Variants in EVI5 observed in about 807,000 individuals in gnomAD.
EVI5 encodes ecotropic viral integration site 5.
A neutral mutation model predicts 112.0 loss-of-function variants in EVI5; 73 were observed. The observed-to-expected ratio is 0.65, with a 90% CI of 0.54 to 0.79. The LOEUF (loss-of-function observed/expected upper bound fraction) is 0.79, where lower values mean the gene tolerates loss of function less well. EVI5 is among the 30% of genes least tolerant of loss of function. The pLI is 0.00. For synonymous variants in EVI5, 305 were observed against 319.9 expected (o/e 0.95, Z 0.50); for missense variants, 900 against 968.8 (o/e 0.93, Z 0.94).
At position 92,707,199 on chromosome 1, in the gene EVI5, AAC is replaced by A. The variant is rs1491077622; in HGVS notation, c.150-2457_150-2456del. 2.6e-3 allele frequency among the ~76,000 whole-genome samples: 374 copies of A among 144,294 alleles called. 24 individuals carry two copies. The highest frequency in any genetic ancestry group is 3.9e-3 in the Non-Finnish European group (260 of 66,020). The allele number at this position is 144,294 out of a possible 152,430, so 94.7% of individuals were successfully genotyped here. ...TGTCTCAAAAAAAAAAAAAAAAAAA[AAC>A]ACAAGAAAACCTCTTCACAGCCTTT... On this transcript the variant is annotated intron_variant, in intron 2 of 19. Transcript: ENST00000684568.
chr1:92,651,820 C>T (rs1662152427), intron 13 of EVI5, among the ~76,000 whole-genome samples: 3 of 143,900 alleles, frequency 2.1e-5, no homozygotes, highest in Admixed American at 1.4e-4. Context: ...CACTGCACTC[C>T]AGCCTGGGCG....
At chr1:92,593,369 AC>A (rs1674334496) in intron 18 of EVI5, among the ~76,000 whole-genome samples, 2 of 152,242 alleles carry the variant, frequency 1.3e-5, no homozygotes, top group African/African-American at 2.4e-5. Flanking sequence ...AAATTCAACA[AC>A]CCTTCATGCT....
At chr1:92,769,845 C>A (rs908520631) in intron 1 of EVI5, among the ~76,000 whole-genome samples, 2 of 152,078 alleles carry the variant, frequency 1.3e-5, no homozygotes, top group African/African-American at 4.8e-5. Flanking sequence ...CGAGATGGCA[C>A]CACTGCACTC....
At chr1:92,618,744 T>C (rs1261254903) in intron 16 of EVI5, among the ~76,000 whole-genome samples, 2 of 152,230 alleles carry the variant, frequency 1.3e-5, no homozygotes, top group African/African-American at 2.4e-5. Flanking sequence ...TAATACCAGA[T>C]ACCACTACGT....
intron 19 of EVI5, among the ~76,000 whole-genome samples, chr1:92,518,105 C>T (rs949491932): frequency 6.6e-6 from 1 of 151,926 alleles, no homozygotes; most frequent in African/African-American, 2.4e-5. Context: ...GCCATTGTTG[C>T]CCAGCTGGTC....
rs1040929086 is a variant in EVI5 at position 92,593,829 on chromosome 1, A to G, written c.2070+11478T>C. On this transcript the variant is annotated intron_variant, in intron 18 of 19. Transcript: ENST00000684568. ...TGAACTCCCATTCGCAATTGCTTCA[A>G]AGAGAATAAAATACCTAGGAATCCA... Among the ~76,000 whole-genome samples the G allele has an allele frequency of 4.6e-5, 7 of 152,296 alleles. No homozygotes were observed. The South Asian group carries it at 6.2e-4, about 14-fold the overall frequency.
intron 10 of EVI5, among the ~76,000 whole-genome samples, chr1:92,667,343 A>G (rs1665105751): frequency 1.3e-5 from 2 of 152,184 alleles, no homozygotes; most frequent in Admixed American, 6.5e-5. Context: ...ATTATACAGT[A>G]TAGATGACAA....
intron 2 of EVI5, among the ~76,000 whole-genome samples, chr1:92,723,534 TATA>T (rs1675077981): frequency 6.6e-6 from 1 of 152,226 alleles, no homozygotes; most frequent in African/African-American, 2.4e-5. Context: ...TCAATACTCT[TATA>T]ATTTCTTAGG....
chr1:92,637,577 C>A (rs936111786), intron 13 of EVI5, among the ~76,000 whole-genome samples: 3 of 152,026 alleles, frequency 2.0e-5, no homozygotes, highest in Admixed American at 2.0e-4. Context: ...TGTACAAAAG[C>A]AATATGTAAT....
At chr1:92,704,343 G>A (rs1446181199) in intron 3 of EVI5, among the ~76,000 whole-genome samples, 1 of 152,046 alleles carries the variant, frequency 6.6e-6, no homozygotes, top group Non-Finnish European at 1.5e-5. Context: ...ATAATTTTCA[G>A]TTATATATTT....
chr1:92,723,982 T>C lies in EVI5; in HGVS notation c.149+12416A>G, dbSNP rs867147364. ...CTAGGATTGGGAAATTCCAGCCTGT[T>C]AAATTCTAGTCAGACTGGTTGTCTG... On this transcript the variant is annotated intron_variant, in intron 2 of 19. Transcript: ENST00000684568. Among the ~76,000 whole-genome samples, 9 of 152,318 alleles carry C rather than the reference T, an allele frequency of 5.9e-5. No homozygotes were observed. The South Asian group carries it at 1.2e-3, about 21-fold the overall frequency.
At chr1:92,727,573 CTAAT>C (rs1363021540) in intron 2 of EVI5, among the ~76,000 whole-genome samples, 2 of 152,044 alleles carry the variant, frequency 1.3e-5, no homozygotes, top group African/African-American at 4.8e-5. Flanking sequence ...ATCCAACCTA[CTAAT>C]TGAGATGAAT....
rs766939891 is a variant in EVI5 at position 92,625,896 on chromosome 1, C to A, written c.1566G>T (p.Arg522Ser). Reference sequence around the variant, plus strand: ...TCACAGCAATGAGTTCTTCCTGAAGCCTTGCAATATTATTCTCATCAGGAA... The same window carrying A: ...TCACAGCAATGAGTTCTTCCTGAAGACTTGCAATATTATTCTCATCAGGAA... Reference protein sequence around the residue: ...NSLPDENNIARLQEELIAVKL... With the variant: ...NSLPDENNIASLQEELIAVKL... Residue 522 changes from arginine to serine, a missense_variant, in exon 15 of 20, where the codon AGG becomes AGT. Coordinates refer to ENST00000684568, the MANE Select transcript of EVI5 (RefSeq NM_001350197.2). The A allele has an allele frequency of 6.2e-7, 1 of 1,609,104 alleles. No individual in the cohort carries two copies. Among genetic ancestry groups the A allele is most frequent in the South Asian group, 1.1e-5 (1 of 90,918 alleles).
chr1:92,605,408 G>A lies in EVI5; in HGVS notation c.1975-6C>T, dbSNP rs1226476134. On this transcript the variant is annotated splice_region_variant and splice_polypyrimidine_tract_variant and intron_variant, in intron 17 of 19. Coordinates refer to ENST00000684568, the MANE Select transcript of EVI5 (RefSeq NM_001350197.2). ...GCCATCACTTCTTCCTTATTCTAGTGTGGTAAACCAAACCGAAACAAAATA... is the reference window on the plus strand; with the variant it reads ...GCCATCACTTCTTCCTTATTCTAGTATGGTAAACCAAACCGAAACAAAATA... 1 of 1,592,910 alleles carries A rather than the reference G, an allele frequency of 6.3e-7. No homozygotes were observed. The highest frequency in any genetic ancestry group is 2.2e-5 in the East Asian group (1 of 44,802).
chr1:92,731,473 G>C (rs1040382924), intron 2 of EVI5, among the ~76,000 whole-genome samples: 4 of 152,194 alleles, frequency 2.6e-5, no homozygotes, highest in Non-Finnish European at 5.9e-5. Context: ...TTGTGTTCAT[G>C]GGGAGGAAGG....
chr1:92,756,942 C>A, intron 1 of EVI5: 1 of 320,762 alleles, frequency 3.1e-6, no homozygotes, highest in Non-Finnish European at 6.3e-6. Context: ...TGTATTACTT[C>A]ATGCTTTGAA....
chr1:92,551,893 T>G lies in EVI5; in HGVS notation c.2166+11749A>C, dbSNP rs189382880. Among the ~76,000 whole-genome samples the G allele has an allele frequency of 2.4e-4, 36 of 152,344 alleles. No individual in the cohort carries two copies. The East Asian group carries it at 6.9e-3, about 29-fold the overall frequency. On this transcript the variant is annotated intron_variant, in intron 19 of 19. Transcript: ENST00000684568. The stretch of plus-strand genomic sequence containing the variant: ...TTTTCATAAACACTTGACTTCCAGT[T>G]TCCCTTGAAGTGGTTTCTCATGATT...
chr1:92,738,699 ATATAGT>A (rs1677848797), intron 1 of EVI5, among the ~76,000 whole-genome samples: 1 of 152,226 alleles, frequency 6.6e-6, no homozygotes, highest in African/African-American at 2.4e-5. Context: ...AAGTTCTTAA[ATATAGT>A]TAGAGTATTT....
At chr1:92,518,498 A>G (rs3903212) in intron 19 of EVI5, among the ~76,000 whole-genome samples, 87,434 of 151,840 alleles carry the variant, frequency 0.58, 26,920 homozygotes, top group East Asian at 0.92. Context: ...TCACCCTACA[A>G]TGAAGGTCAA....
Sources: allele counts gnomAD v4.1 joint callset (sites outside exome capture counted in the v4.1 genomes callset), GRCh38; gene constraint gnomAD v4.1.1; transcripts MANE v1.5; gene names NCBI Gene and HGNC (gene_info 2026-07-23, HGNC 2026-07-21).